GRIP1: variants seen among roughly 807,000 people sequenced by gnomAD.
GRIP1 encodes the protein glutamate receptor interacting protein 1, also known as glutamate receptor-interacting protein 1.
Under a neutral mutation model 129.9 loss-of-function variants are expected in GRIP1, and 45 were observed. The observed-to-expected ratio is 0.35, with a 90% CI of 0.27 to 0.44. GRIP1 has a LOEUF of 0.44. Among genes scored for constraint, GRIP1 ranks in the 20% least tolerant of loss-of-function variants. The probability of loss-of-function intolerance (pLI) is 1.00; values close to 1 mark genes in which losing one functional copy is unlikely to be tolerated. For missense variants in GRIP1, 1,196 were observed against 1,396.8 expected, an observed-to-expected ratio of 0.86 and a Z score of 2.29; for synonymous variants, 530 against 520.8, an observed-to-expected ratio of 1.02 and a Z score of -0.24.
chr12:66,581,156 T>C (rs892467259), intron 2 of GRIP1, among the ~76,000 whole-genome samples: 29 of 152,156 alleles, frequency 1.9e-4, no homozygotes, highest in African/African-American at 9.7e-5. Flanking sequence ...GAATGACTAC[T>C]GGGTACATAA....
At chr12:66,807,536 T>G, upstream of GRIP1, among the ~76,000 whole-genome samples, 1 of 152,034 alleles carries the variant, frequency 6.6e-6, no homozygotes, top group East Asian at 1.9e-4. Context: ...TAGCCAGGCA[T>G]GGTGGCGGGC....
At chr12:66,952,039 A>G (rs2041765900) in intron 1 of GRIP1, among the ~76,000 whole-genome samples, 1 of 152,146 alleles carries the variant, frequency 6.6e-6, no homozygotes, top group Non-Finnish European at 1.5e-5. Context: ...TGATAGATTG[A>G]GGCATAAACA....
chr12:66,880,816 C>T (rs1017847940), intron 1 of GRIP1, among the ~76,000 whole-genome samples: 4 of 152,028 alleles, frequency 2.6e-5, no homozygotes, highest in Admixed American at 2.6e-4. Flanking sequence ...ATAGGCAGAC[C>T]CTTAAAAATC....
chr12:66,748,962 T>C (rs530007817), intron 1 of GRIP1, among the ~76,000 whole-genome samples: 17 of 152,264 alleles, frequency 1.1e-4, no homozygotes, highest in Admixed American at 2.0e-4. Flanking sequence ...ATATAAACAA[T>C]AGACAGACAG....
At chr12:66,973,677 C>A (rs371153096) in intron 1 of GRIP1, among the ~76,000 whole-genome samples, 2 of 152,000 alleles carry the variant, frequency 1.3e-5, no homozygotes, top group Non-Finnish European at 2.9e-5. Context: ...CATTCCAATG[C>A]CATCCAGTAA....
At chr12:67,066,199 T>C (rs1355698123) in intron 1 of GRIP1, among the ~76,000 whole-genome samples, 2 of 152,158 alleles carry the variant, frequency 1.3e-5, no homozygotes, top group African/African-American at 4.8e-5. Context: ...GAGTAATGAA[T>C]GGTGTGTAGA....
chr12:66,651,747 T>C (rs971996167), intron 1 of GRIP1, among the ~76,000 whole-genome samples: 2 of 152,134 alleles, frequency 1.3e-5, no homozygotes, highest in Admixed American at 1.3e-4. Context: ...AAAATCTCTA[T>C]GGACCTAACT....
At chr12:66,408,570 G>A (rs2057279352) in intron 15 of GRIP1, among the ~76,000 whole-genome samples, 1 of 152,200 alleles carries the variant, frequency 6.6e-6, no homozygotes, top group Admixed American at 6.5e-5. Flanking sequence ...ACTCTGAGTT[G>A]TGCTGGCTTC....
At chr12:66,491,137 T>A (rs1388176005) in intron 7 of GRIP1, among the ~76,000 whole-genome samples, 1 of 152,098 alleles carries the variant, frequency 6.6e-6, no homozygotes, top group Non-Finnish European at 1.5e-5. Flanking sequence ...GGAATATGAA[T>A]TATTCTATTT....
intron 1 of GRIP1, among the ~76,000 whole-genome samples, chr12:66,736,806 T>C (rs11176405): frequency 0.064 from 9,669 of 152,174 alleles, 451 homozygotes; most frequent in East Asian, 0.24. Context: ...GATAAATTGA[T>C]ACCATAAAGA....
intron 1 of GRIP1, among the ~76,000 whole-genome samples, chr12:67,005,100 T>C (rs1434592898): frequency 1.3e-5 from 2 of 152,266 alleles, no homozygotes; most frequent in African/African-American, 4.8e-5. Flanking sequence ...TTTACCTTTC[T>C]ATAAAGATCT....
intron 1 of GRIP1, among the ~76,000 whole-genome samples, chr12:66,647,783 T>C (rs573074574): frequency 6.6e-6 from 1 of 152,304 alleles, no homozygotes; most frequent in South Asian, 2.1e-4. Context: ...TCCTCCTCCT[T>C]CTCTGGATTT....
chr12:66,631,268 C>T (rs1378438503), intron 1 of GRIP1, among the ~76,000 whole-genome samples: 2 of 152,044 alleles, frequency 1.3e-5, no homozygotes, highest in African/African-American at 2.4e-5. Flanking sequence ...TGACAGTAAG[C>T]AAATCAGGAA....
At chr12:66,501,191 T>C (rs957068749) in intron 7 of GRIP1, among the ~76,000 whole-genome samples, 1 of 152,204 alleles carries the variant, frequency 6.6e-6, no homozygotes, top group African/African-American at 2.4e-5. Flanking sequence ...ATAGTTTATC[T>C]CCTTGACAGC....
At chr12:66,503,713 CCT>C (rs564696007) in intron 7 of GRIP1, among the ~76,000 whole-genome samples, 4 of 152,104 alleles carry the variant, frequency 2.6e-5, no homozygotes, top group Non-Finnish European at 5.9e-5. Context: ...ACATGTGCCC[CCT>C]GAGCTGAAAG....
intron 1 of GRIP1, among the ~76,000 whole-genome samples, chr12:66,637,096 C>T (rs540699410): frequency 6.6e-6 from 1 of 152,028 alleles, no homozygotes; most frequent in Non-Finnish European, 1.5e-5. Flanking sequence ...TCCAGGGAAC[C>T]TAGCGTGTGT....
upstream of GRIP1, among the ~76,000 whole-genome samples, chr12:66,683,325 G>A (rs908000621): frequency 3.9e-5 from 6 of 152,000 alleles, no homozygotes; most frequent in African/African-American, 1.5e-4. Flanking sequence ...GTGTCAACAT[G>A]AGACCAAACA....
intron 2 of GRIP1, among the ~76,000 whole-genome samples, chr12:66,569,408 C>T (rs1242645002): frequency 6.6e-6 from 1 of 152,082 alleles, no homozygotes; most frequent in Non-Finnish European, 1.5e-5. Flanking sequence ...ACCCAGGGGA[C>T]AGAGGTTGCC....
chr12:66,758,233 G>T (rs971148230), intron 1 of GRIP1, among the ~76,000 whole-genome samples: 1 of 152,098 alleles, frequency 6.6e-6, no homozygotes, highest in African/African-American at 2.4e-5. Flanking sequence ...ATGGTGGGAG[G>T]TAAAAGGCAT....
Sources: allele counts gnomAD v4.1 joint callset (sites outside exome capture counted in the v4.1 genomes callset), GRCh38; gene constraint gnomAD v4.1.1; transcripts MANE v1.5; gene names NCBI Gene and HGNC (gene_info 2026-07-23, HGNC 2026-07-21).